Variants in FSTL5 observed in about 807,000 individuals in gnomAD.
FSTL5 encodes the protein follistatin-related protein 5.
FSTL5 carries 62 observed loss-of-function variants against 89.1 expected under a neutral mutation model. The ratio of observed to expected loss-of-function variants is 0.70; its 90% confidence interval spans 0.57 to 0.86. The LOEUF is 0.86. FSTL5 is among the 40% of genes least tolerant of loss of function. FSTL5 has a pLI of 0.00. For missense variants in FSTL5, 1,057 were observed against 1,001.6 expected, an observed-to-expected ratio of 1.06 and a Z score of -0.75; for synonymous variants, 383 against 346.2, an observed-to-expected ratio of 1.11 and a Z score of -1.18.
chr4:161,966,327 GCTAA>G (rs1321575445), intron 3 of FSTL5, among the ~76,000 whole-genome samples: 3 of 151,860 alleles, frequency 2.0e-5, no homozygotes, highest in Admixed American at 2.0e-4. Flanking sequence ...ACTTAGTACA[GCTAA>G]CTATTAAAAA....
intron 6 of FSTL5, among the ~76,000 whole-genome samples, chr4:161,696,604 T>C (rs1251140820): frequency 1.3e-5 from 2 of 152,220 alleles, no homozygotes; most frequent in Admixed American, 6.5e-5. Flanking sequence ...TTCCATTTGT[T>C]TGTGTCATCT....
chr4:161,599,767 G>A (rs538374522), intron 7 of FSTL5, among the ~76,000 whole-genome samples: 4 of 151,876 alleles, frequency 2.6e-5, no homozygotes, highest in African/African-American at 9.7e-5. Flanking sequence ...ATTAAGATTT[G>A]CTATAATTTC....
At chr4:162,135,518 TTCAA>T (rs1222260766) in intron 1 of FSTL5, among the ~76,000 whole-genome samples, 1 of 152,082 alleles carries the variant, frequency 6.6e-6, no homozygotes, top group Non-Finnish European at 1.5e-5. Flanking sequence ...TGCCTTACCA[TTCAA>T]TCAATTTCAA....
At position 161,972,115 on chromosome 4, in the gene FSTL5, G is replaced by A. The variant is rs148625032; in HGVS notation, c.161-51463C>T. Among the ~76,000 whole-genome samples, 253 of 152,062 alleles carry A rather than the reference G, an allele frequency of 1.7e-3. 1 individual carries two copies. The highest frequency in any genetic ancestry group is 5.9e-3 in the African/African-American group (245 of 41,476). On this transcript the variant is annotated intron_variant, in intron 3 of 15. Transcript: ENST00000306100. The stretch of plus-strand genomic sequence containing the variant: ...GATGTGCTTCTTTTTCTTTTTTGAG[G>A]GAGTTTCGCTCTTGTCTCCCAGGCT...
chr4:161,531,824 T>C (rs1467685983), intron 10 of FSTL5, among the ~76,000 whole-genome samples: 1 of 152,208 alleles, frequency 6.6e-6, no homozygotes, highest in Non-Finnish European at 1.5e-5. Flanking sequence ...TTGTATGCAT[T>C]ATTATAAAAC....
At chr4:161,404,296 C>G (rs1449831063) in intron 15 of FSTL5, among the ~76,000 whole-genome samples, 1 of 151,900 alleles carries the variant, frequency 6.6e-6, no homozygotes, top group Non-Finnish European at 1.5e-5. Context: ...CATTGGAAGC[C>G]CTGACAAAAA....
intron 1 of FSTL5, among the ~76,000 whole-genome samples, chr4:162,129,589 A>ACCCTT (rs1732218302): frequency 1.3e-5 from 2 of 152,234 alleles, no homozygotes; most frequent in Non-Finnish European, 2.9e-5. Flanking sequence ...TTGCTGTGTA[A>ACCCTT]TGGTGAAACT....
chr4:161,645,904 C>A (rs1373749853), intron 7 of FSTL5, among the ~76,000 whole-genome samples: 1 of 151,650 alleles, frequency 6.6e-6, no homozygotes, highest in East Asian at 1.9e-4. Flanking sequence ...TATTAAATTT[C>A]TACGTTTTTA....
intron 1 of FSTL5, among the ~76,000 whole-genome samples, chr4:162,149,468 A>C (rs1733140132): frequency 6.9e-6 from 1 of 145,352 alleles, no homozygotes; most frequent in Non-Finnish European, 1.5e-5. Flanking sequence ...TCTACAAAGA[A>C]ATGTAAAATT....
chr4:161,487,898 C>T (rs889152461), intron 12 of FSTL5, among the ~76,000 whole-genome samples: 3 of 151,970 alleles, frequency 2.0e-5, no homozygotes, highest in African/African-American at 7.2e-5. Context: ...TACTTTTGTA[C>T]TGAATTAGAA....
chr4:161,880,370 CAG>C (rs1723348677), intron 4 of FSTL5, among the ~76,000 whole-genome samples: 1 of 151,840 alleles, frequency 6.6e-6, no homozygotes, highest in Admixed American at 6.6e-5. Context: ...TTAAATATAA[CAG>C]AACTTGGAGT....
intron 1 of FSTL5, among the ~76,000 whole-genome samples, chr4:162,115,437 G>A (rs919286863): frequency 1.3e-5 from 2 of 152,040 alleles, no homozygotes; most frequent in African/African-American, 2.4e-5. Flanking sequence ...AAACAGTGTC[G>A]TAATCTCACT....
chr4:161,450,466 C>CCTATGCATTAGCCATGTAATTTTTAAA (rs1417067236), intron 15 of FSTL5, among the ~76,000 whole-genome samples: 2 of 152,088 alleles, frequency 1.3e-5, no homozygotes, highest in Non-Finnish European at 2.9e-5. Flanking sequence ...CACCAAATCT[C>CCTATGCATTAGCCATGTAATTTTTAAA]CTATGCATTA....
At chr4:161,851,651 T>G (rs2126881300) in intron 4 of FSTL5, among the ~76,000 whole-genome samples, 1 of 152,254 alleles carries the variant, frequency 6.6e-6, no homozygotes, top group East Asian at 1.9e-4. Flanking sequence ...GGATGTTGGT[T>G]TAAACACTAT....
At chr4:161,972,304 C>T (rs916789941) in intron 3 of FSTL5, among the ~76,000 whole-genome samples, 4 of 152,090 alleles carry the variant, frequency 2.6e-5, no homozygotes, top group Admixed American at 2.6e-4. Flanking sequence ...GAACTCCTGA[C>T]CTCAGGTGAT....
At chr4:161,763,856 C>T (rs6827274) in intron 5 of FSTL5, among the ~76,000 whole-genome samples, 20,906 of 152,018 alleles carry the variant, frequency 0.14, 2,740 homozygotes, top group African/African-American at 0.34. Flanking sequence ...GAAGAATGTA[C>T]ATTTCCGGGT....
chr4:161,512,523 G>A (rs1192965648), intron 10 of FSTL5, among the ~76,000 whole-genome samples: 2 of 152,036 alleles, frequency 1.3e-5, no homozygotes, highest in Admixed American at 1.3e-4. Context: ...TGAGAAATGA[G>A]TAAGAATAAA....
chr4:161,898,352 C>G (rs961605711), intron 4 of FSTL5, among the ~76,000 whole-genome samples: 1 of 151,552 alleles, frequency 6.6e-6, no homozygotes, highest in African/African-American at 2.4e-5. Context: ...CTGCTATAAA[C>G]ACTTGAGTGC....
chr4:161,738,075 A>C, intron 6 of FSTL5, among the ~76,000 whole-genome samples: 1 of 152,090 alleles, frequency 6.6e-6, no homozygotes, highest in East Asian at 1.9e-4. Context: ...ACAATATCTT[A>C]AAGAGGATGA....
Sources: allele counts gnomAD v4.1 joint callset (sites outside exome capture counted in the v4.1 genomes callset), GRCh38; gene constraint gnomAD v4.1.1; transcripts MANE v1.5; gene names NCBI Gene and HGNC (gene_info 2026-07-23, HGNC 2026-07-21).